GAS7: variants seen among roughly 807,000 people sequenced by gnomAD.
GAS7 encodes the protein growth arrest specific 7.
A neutral mutation model predicts 71.1 loss-of-function variants in GAS7; 28 were observed. The ratio of observed to expected loss-of-function variants is 0.39; its 90% CI spans 0.29 to 0.54. The LOEUF is 0.54. Ranked by LOEUF, GAS7 falls within the 20% of genes least tolerant of loss-of-function variation. GAS7 has a pLI of 0.62. For synonymous variants in GAS7, 258 were observed against 245.8 expected (o/e 1.05, Z -0.46); for missense variants, 436 against 627.8 (o/e 0.69, Z 3.27).
At position 10,198,511 on chromosome 17, in the gene GAS7, C is replaced by A; in HGVS notation, c.-121G>T. 4 of 649,734 alleles carry A rather than the reference C, an allele frequency of 6.2e-6. No homozygotes were observed. The highest frequency in any genetic ancestry group is 9.2e-6 in the Non-Finnish European group (4 of 433,288). The allele number at this position is 649,734 out of a possible 1,614,324, so 40.2% of individuals were successfully genotyped here. A position where few individuals can be genotyped will look rare whatever the true frequency, so the allele number is the denominator to read the frequency against. ...GGGCTCCCGCGCTCTGGGCGCGCGC[C>A]GTCTCTGGGGTGCGCGGGGGTCCTC... is the stretch of plus-strand genomic sequence containing the variant. On this transcript the variant is annotated 5_prime_UTR_variant, in exon 1 of 14. Coordinates refer to ENST00000432992, the MANE Select transcript of GAS7 (RefSeq NM_201433.2).
intron 1 of GAS7, among the ~76,000 whole-genome samples, chr17:10,173,486 C>T (rs968528684): frequency 6.6e-6 from 1 of 152,094 alleles, no homozygotes; most frequent in Non-Finnish European, 1.5e-5. Flanking sequence ...GACCCTCTCT[C>T]GGCCAGGCGC....
chr17:10,009,720 C>T (rs1294848818), intron 2 of GAS7, among the ~76,000 whole-genome samples: 2 of 146,052 alleles, frequency 1.4e-5, no homozygotes, highest in Admixed American at 6.8e-5. Flanking sequence ...TTTTTTTTTT[C>T]CAGTAGCCTG....
intron 2 of GAS7, among the ~76,000 whole-genome samples, chr17:10,003,598 T>C (rs1470779055): frequency 6.6e-6 from 1 of 152,186 alleles, no homozygotes; most frequent in Non-Finnish European, 1.5e-5. Context: ...GCGACTCTTT[T>C]GGGGCTGAGG....
intron 4 of GAS7, among the ~76,000 whole-genome samples, chr17:9,968,565 A>G (rs530007595): frequency 2.6e-5 from 4 of 152,288 alleles, no homozygotes; most frequent in East Asian, 1.9e-4. Flanking sequence ...CGTTCCCCCA[A>G]ATTAACACTC....
At chr17:10,184,272 C>T (rs2074436935) in intron 1 of GAS7, among the ~76,000 whole-genome samples, 1 of 152,174 alleles carries the variant, frequency 6.6e-6, no homozygotes, top group African/African-American at 2.4e-5. Flanking sequence ...AGGCTCCTGG[C>T]ATTGGCCCCA....
intron 9 of GAS7, among the ~76,000 whole-genome samples, chr17:9,929,589 C>T (rs920813180): frequency 1.6e-4 from 24 of 152,172 alleles, no homozygotes; most frequent in Non-Finnish European, 2.9e-4. Flanking sequence ...GTTCTCCTGC[C>T]TCAGCCTCCC....
In GAS7 at chr17:9,983,589, C is replaced by T. The variant is rs147561661; in HGVS notation, c.305-1705G>A. The stretch of plus-strand genomic sequence containing the variant: ...ATCACTTGAGGTCAGGGGTTCGAGA[C>T]CACCCTGACCAACATGGTGAAACCC... On this transcript the variant is annotated intron_variant, in intron 2 of 13. Transcript: ENST00000432992. Among the ~76,000 whole-genome samples the T allele has an allele frequency of 4.5e-3, 687 of 152,016 alleles. 13 individuals are homozygous for T. Among genetic ancestry groups the T allele is most frequent in the East Asian group, 0.042 (215 of 5,146 alleles).
At chr17:10,029,119 A>G (rs2072545295) in intron 1 of GAS7, among the ~76,000 whole-genome samples, 1 of 152,230 alleles carries the variant, frequency 6.6e-6, no homozygotes, top group South Asian at 2.1e-4. Flanking sequence ...TAAGGATAAA[A>G]GTCCTGTAAT....
chr17:9,964,779 A>T (rs2069639070), intron 4 of GAS7, among the ~76,000 whole-genome samples: 1 of 152,188 alleles, frequency 6.6e-6, no homozygotes, highest in Non-Finnish European at 1.5e-5. Flanking sequence ...AAACTCCATC[A>T]ACGCAGGGCT....
rs1165958480 is a variant in GAS7, at chr17:10,141,087, C to T, written c.183+57121G>A. Among the ~76,000 whole-genome samples, 5 of 152,202 alleles carry T rather than the reference C, an allele frequency of 3.3e-5. No individual in the cohort carries two copies. In the South Asian group the frequency reaches 1.0e-3, roughly 31 times the overall value. On this transcript the variant is annotated intron_variant, in intron 1 of 13. Coordinates refer to ENST00000432992, the MANE Select transcript of GAS7 (RefSeq NM_201433.2). ...CAGGGAAGTGGCTCCAGGGCCCTGG[C>T]CCTGACTCACTTCTGGAATTTCCTG... is the stretch of plus-strand genomic sequence containing the variant.
In GAS7 at chr17:10,035,270, T is replaced by C. The variant is rs78074506; in HGVS notation, c.184-15373A>G. On this transcript the variant is annotated intron_variant, in intron 1 of 13. Coordinates refer to ENST00000432992, the MANE Select transcript of GAS7 (RefSeq NM_201433.2). ...CACACCTTGGTCAGAACTTGAGTGA[T>C]TGGTCTGGGTTCCTCACAGCAGCAA... Among the ~76,000 whole-genome samples the C allele has an allele frequency of 3.8e-3, 585 of 152,220 alleles. 2 individuals carry two copies. The highest frequency in any genetic ancestry group is 0.013 in the African/African-American group (554 of 41,530).
intron 1 of GAS7, among the ~76,000 whole-genome samples, chr17:10,176,863 C>G (rs1375049108): frequency 6.6e-6 from 1 of 152,150 alleles, no homozygotes; most frequent in Non-Finnish European, 1.5e-5. Flanking sequence ...TGACCCCAAG[C>G]TGGTTAAGCC....
At chr17:10,033,301 A>G (rs2072667410) in intron 1 of GAS7, among the ~76,000 whole-genome samples, 1 of 152,128 alleles carries the variant, frequency 6.6e-6, no homozygotes, top group Middle Eastern at 3.2e-3. Flanking sequence ...CCTGGGAACA[A>G]GAGAGTTTTG....
chr17:10,041,211 G>A (rs565243316), intron 1 of GAS7, among the ~76,000 whole-genome samples: 2 of 150,544 alleles, frequency 1.3e-5, no homozygotes, highest in East Asian at 3.9e-4. Flanking sequence ...TTTGAACCTA[G>A]ATGGCCAAGA....
chr17:10,016,609 A>C (rs1278723999), intron 2 of GAS7, among the ~76,000 whole-genome samples: 1 of 144,514 alleles, frequency 6.9e-6, no homozygotes, highest in Admixed American at 6.9e-5. Flanking sequence ...TACCAAAAAA[A>C]AAAAAAAAAA....
chr17:9,931,641 A>G (rs2068211802), intron 9 of GAS7, among the ~76,000 whole-genome samples: 2 of 152,246 alleles, frequency 1.3e-5, no homozygotes, highest in African/African-American at 4.8e-5. Context: ...AATGCAGGAA[A>G]AAGATCCATT....
intron 1 of GAS7, among the ~76,000 whole-genome samples, chr17:10,057,293 C>A (rs2073154071): frequency 1.3e-5 from 2 of 151,446 alleles, no homozygotes; most frequent in South Asian, 2.1e-4. Context: ...CCCGGCTGCC[C>A]AGTCTGGGAA....
chr17:9,961,138 G>A (rs2069474343), intron 4 of GAS7, among the ~76,000 whole-genome samples: 1 of 152,202 alleles, frequency 6.6e-6, no homozygotes. Flanking sequence ...GTTTCACTGA[G>A]GTACCTCTAC....
chr17:10,050,896 C>G (rs2073053401), intron 1 of GAS7, among the ~76,000 whole-genome samples: 1 of 152,174 alleles, frequency 6.6e-6, no homozygotes, highest in South Asian at 2.1e-4. Flanking sequence ...CATTCTGCTA[C>G]AGAGATTCTC....
Sources: allele counts gnomAD v4.1 joint callset (sites outside exome capture counted in the v4.1 genomes callset), GRCh38; gene constraint gnomAD v4.1.1; transcripts MANE v1.5; gene names NCBI Gene and HGNC (gene_info 2026-07-23, HGNC 2026-07-21).